Variants in FAM13A observed in about 807,000 individuals in gnomAD.
FAM13A encodes family with sequence similarity 13 member A.
Under a neutral mutation model 129.6 loss-of-function variants are expected in FAM13A, and 76 were observed. That is an observed-to-expected ratio of 0.59 (90% CI 0.49 to 0.71). FAM13A has a LOEUF of 0.71. Among genes scored for constraint, FAM13A ranks in the 30% least tolerant of loss-of-function variants. The pLI is 0.00. For synonymous variants in FAM13A, 443 were observed against 449.9 expected (o/e 0.98, Z 0.20); for missense variants, 1,108 against 1,249.3 (o/e 0.89, Z 1.70).
chr4:88,830,753 A>G (rs1331238915), intron 7 of FAM13A, among the ~76,000 whole-genome samples: 2 of 152,128 alleles, frequency 1.3e-5, no homozygotes, highest in Non-Finnish European at 2.9e-5. Flanking sequence ...GCTGTCAGTG[A>G]AGAGGGGAGG....
At chr4:88,737,085 T>C (rs2149414714) in intron 21 of FAM13A, among the ~76,000 whole-genome samples, 1 of 152,368 alleles carries the variant, frequency 6.6e-6, no homozygotes, top group Non-Finnish European at 1.5e-5. Flanking sequence ...AAAGTTGGTC[T>C]AATGAGCTAA....
At chr4:88,923,621 C>T (rs1359281362) in intron 5 of FAM13A, among the ~76,000 whole-genome samples, 4 of 152,146 alleles carry the variant, frequency 2.6e-5, no homozygotes, top group Non-Finnish European at 4.4e-5. Context: ...AAACTGGAAG[C>T]ATTCCCTTTG....
At chr4:88,921,533 A>C in intron 5 of FAM13A, among the ~76,000 whole-genome samples, 1 of 152,188 alleles carries the variant, frequency 6.6e-6, no homozygotes, top group Non-Finnish European at 1.5e-5. Flanking sequence ...GCCTACCATA[A>C]AAGAGCTCCT....
chr4:88,929,223 C>T (rs1752681331), intron 5 of FAM13A, among the ~76,000 whole-genome samples: 1 of 151,644 alleles, frequency 6.6e-6, no homozygotes, highest in African/African-American at 2.4e-5. Context: ...ATCCTATTCT[C>T]TTGTGGCCTG....
At chr4:88,791,948 C>T (rs146852897) in intron 8 of FAM13A, among the ~76,000 whole-genome samples, 9 of 152,148 alleles carry the variant, frequency 5.9e-5, no homozygotes, top group African/African-American at 9.6e-5. Context: ...TTTACTCTTT[C>T]GCCCAAGATA....
intron 21 of FAM13A, among the ~76,000 whole-genome samples, chr4:88,734,179 C>CT (rs1237277307): frequency 6.6e-6 from 1 of 152,046 alleles, no homozygotes; most frequent in African/African-American, 2.4e-5. Context: ...ACCATTTTTC[C>CT]TTTTTTGATA....
intron 4 of FAM13A, among the ~76,000 whole-genome samples, chr4:88,965,567 T>C (rs1759238662): frequency 7.6e-6 from 1 of 132,116 alleles, no homozygotes; most frequent in South Asian, 2.7e-4. Flanking sequence ...GTAGTTTTTT[T>C]AAGTTAAAAA....
At chr4:88,765,404 G>A (rs1048328288) in intron 13 of FAM13A, among the ~76,000 whole-genome samples, 2 of 152,188 alleles carry the variant, frequency 1.3e-5, no homozygotes, top group African/African-American at 4.8e-5. Flanking sequence ...CTTATGCAAT[G>A]AGACCTGAAA....
chr4:88,846,333 G>A (rs144886743), intron 7 of FAM13A, among the ~76,000 whole-genome samples: 236 of 152,244 alleles, frequency 1.6e-3, no homozygotes, highest in Middle Eastern at 3.4e-3. Flanking sequence ...CCGAAATACC[G>A]ATTACTTCAA....
chr4:88,999,560 A>G (rs370666745), intron 3 of FAM13A, among the ~76,000 whole-genome samples: 28 of 152,358 alleles, frequency 1.8e-4, no homozygotes, highest in African/African-American at 5.0e-4. Context: ...GTAAATATAT[A>G]GTTTCAGATG....
intron 5 of FAM13A, among the ~76,000 whole-genome samples, chr4:88,918,295 T>C (rs1012599580): frequency 6.6e-6 from 1 of 152,270 alleles, no homozygotes; most frequent in African/African-American, 2.4e-5. Flanking sequence ...TAGTTAACTA[T>C]GTGCACGGTT....
intron 6 of FAM13A, among the ~76,000 whole-genome samples, chr4:88,871,446 CT>C (rs950844883): frequency 7.9e-5 from 12 of 152,174 alleles, no homozygotes; most frequent in African/African-American, 2.9e-4. Flanking sequence ...TAGAGAAGAC[CT>C]TAAAGGACCT....
In FAM13A at chr4:88,748,975, G is replaced by T; in HGVS notation, c.2138C>A (p.Ala713Asp). The change falls in exon 17 of 24, where the codon GCC (alanine) becomes GAC (aspartate). Residue 713 changes from alanine to aspartate, a missense_variant. Physicochemically the swap from Ala to Asp is moderately radical, Grantham distance 126. Coordinates refer to ENST00000264344, the MANE Select transcript of FAM13A (RefSeq NM_014883.4). ...PEVLKWTNDL[A>D]KFRRQLKESK... is the part of the protein sequence containing the mutation. ...ACCTTTAAGTTGTCTCCGGAATTTG[G>T]CAAGGTCATTTGTCCATTTCAGAAC... 6.2e-7 allele frequency: 1 copy of T among 1,613,726 alleles called. No homozygotes were observed.
At chr4:88,792,146 T>G (rs1725307822) in intron 8 of FAM13A, among the ~76,000 whole-genome samples, 1 of 152,230 alleles carries the variant, frequency 6.6e-6, no homozygotes, top group South Asian at 2.1e-4. Context: ...GACACTGTGC[T>G]AAGTACTTTT....
At chr4:88,737,379 C>A in intron 21 of FAM13A, 93 bp downstream of exon 21, 1 of 1,077,590 alleles carries the variant, frequency 9.3e-7, no homozygotes, top group East Asian at 2.4e-5. Flanking sequence ...ACCAAAAGGC[C>A]CGATCACACC....
In FAM13A at chr4:88,807,786, G is replaced by A. The variant is rs185118632; in HGVS notation, c.1008-2734C>T. 2.0e-5 allele frequency among the ~76,000 whole-genome samples: 3 copies of A among 152,230 alleles called. No individual in the cohort carries two copies. In the East Asian group the frequency reaches 5.8e-4, roughly 29 times the overall value. On this transcript the variant is annotated intron_variant, in intron 7 of 23. Transcript: ENST00000264344. ...TTAATTTATTAAAATATACTGGCAC[G>A]ATGTCAAGAATGTCTCTTGATAGAA... is the stretch of plus-strand genomic sequence containing the variant.
intron 19 of FAM13A, among the ~76,000 whole-genome samples, chr4:88,741,614 T>G (rs564335050): frequency 1.3e-4 from 20 of 152,312 alleles, no homozygotes; most frequent in African/African-American, 4.6e-4. Context: ...TGTTTATAAT[T>G]TGGGCCCTTT....
chr4:88,878,656 T>A (rs1030333020), intron 6 of FAM13A, among the ~76,000 whole-genome samples: 1 of 152,246 alleles, frequency 6.6e-6, no homozygotes, highest in Non-Finnish European at 1.5e-5. Context: ...AATTACTAGG[T>A]ACAGCTAATA....
intron 7 of FAM13A, among the ~76,000 whole-genome samples, chr4:88,850,531 T>C (rs757547156): frequency 6.0e-4 from 91 of 152,096 alleles, no homozygotes; most frequent in Non-Finnish European, 1.1e-3. Context: ...CACTCCAGCC[T>C]GGGCAACACA....
Sources: allele counts gnomAD v4.1 joint callset (sites outside exome capture counted in the v4.1 genomes callset), GRCh38; gene constraint gnomAD v4.1.1; transcripts MANE v1.5; gene names NCBI Gene and HGNC (gene_info 2026-07-23, HGNC 2026-07-21).